OLA1: variants seen among roughly 807,000 people sequenced by gnomAD.
The protein encoded by OLA1 is Obg like ATPase 1.
A neutral mutation model predicts 48.4 loss-of-function variants in OLA1; 14 were observed. The observed-to-expected ratio is 0.29, with a 90% CI of 0.19 to 0.45. The LOEUF is 0.45. Among genes scored for constraint, OLA1 ranks in the 20% least tolerant of loss-of-function variants. OLA1 has a pLI of 1.00. For synonymous variants in OLA1, 127 were observed against 150.4 expected (o/e 0.84, Z 1.14); for missense variants, 325 against 467.1 (o/e 0.70, Z 2.80).
At chr2:174,092,861 A>C (rs1436091984) in intron 7 of OLA1, among the ~76,000 whole-genome samples, 1 of 152,212 alleles carries the variant, frequency 6.6e-6, no homozygotes, top group East Asian at 1.9e-4. Context: ...ATATAAAAAA[A>C]TCATAGTACA....
chr2:174,180,921 T>C (rs1687518356), intron 4 of OLA1, among the ~76,000 whole-genome samples: 1 of 152,216 alleles, frequency 6.6e-6, no homozygotes, highest in Non-Finnish European at 1.5e-5. Flanking sequence ...ACACACCCTT[T>C]GACTCAGTAC....
chr2:174,173,420 T>C (rs10497414), intron 4 of OLA1, among the ~76,000 whole-genome samples: 16,842 of 152,244 alleles, frequency 0.11, 2,180 homozygotes, highest in East Asian at 0.7. Context: ...TGTTTCTTTC[T>C]GTTAATAACA....
intron 7 of OLA1, among the ~76,000 whole-genome samples, chr2:174,112,419 G>C (rs1685674988): frequency 6.6e-6 from 1 of 152,204 alleles, no homozygotes; most frequent in Non-Finnish European, 1.5e-5. Flanking sequence ...AGTGTGAAGT[G>C]TTGACTGAAT....
chr2:174,221,991 ACT>A (rs1453283352), intron 4 of OLA1, among the ~76,000 whole-genome samples: 2 of 152,134 alleles, frequency 1.3e-5, no homozygotes, highest in African/African-American at 4.8e-5. Context: ...TCAAATTTAA[ACT>A]ACCTAGATCA....
At chr2:174,103,119 C>G (rs1685434103) in intron 7 of OLA1, among the ~76,000 whole-genome samples, 1 of 151,970 alleles carries the variant, frequency 6.6e-6, no homozygotes, top group Non-Finnish European at 1.5e-5. Context: ...GGAGGAAGAA[C>G]TGATGATGCA....
chr2:174,198,211 T>C (rs1471115235), intron 4 of OLA1, among the ~76,000 whole-genome samples: 2 of 152,122 alleles, frequency 1.3e-5, no homozygotes, highest in African/African-American at 2.4e-5. Context: ...TCCGCCTGCC[T>C]TGGCCTCCCA....
At chr2:174,091,816 G>A (rs1685118014) in intron 7 of OLA1, among the ~76,000 whole-genome samples, 1 of 133,916 alleles carries the variant, frequency 7.5e-6, no homozygotes, top group African/African-American at 2.8e-5. Context: ...GAGTTGCAGT[G>A]AGCGGAGATC....
chr2:174,111,596 T>C (rs1342209742), intron 7 of OLA1, among the ~76,000 whole-genome samples: 2 of 152,202 alleles, frequency 1.3e-5, no homozygotes, highest in Non-Finnish European at 2.9e-5. Context: ...TACATATACA[T>C]ATACATATAC....
intron 7 of OLA1, among the ~76,000 whole-genome samples, chr2:174,109,974 A>G (rs977547818): frequency 6.6e-6 from 1 of 152,010 alleles, no homozygotes; most frequent in African/African-American, 2.4e-5. Context: ...TTCCTCAAGT[A>G]GACCCCAGTG....
At position 174,147,696 on chromosome 2, in the gene OLA1, G is replaced by A. The variant is rs558493510; in HGVS notation, c.374-5696C>T. ...TTAATGACACCGACCAAATGCTAAT[G>A]AGAATTTCTGGGAAGTGAGCTACTG... On this transcript the variant is annotated intron_variant, in intron 4 of 10. Transcript: ENST00000284719. Among the ~76,000 whole-genome samples, 3 of 152,324 alleles carry A rather than the reference G, an allele frequency of 2.0e-5. No homozygotes were observed. In the South Asian group the frequency reaches 6.2e-4, roughly 32 times the overall value.
At chr2:174,246,164 G>T (rs1418765687) in intron 2 of OLA1, among the ~76,000 whole-genome samples, 1 of 151,758 alleles carries the variant, frequency 6.6e-6, no homozygotes, top group African/African-American at 2.4e-5. Context: ...GCTGGGCGTG[G>T]TGGTGCGCGC....
intron 3 of OLA1, 33 bp from the exon 4 acceptor site, chr2:174,223,193 A>G: frequency 6.2e-7 from 1 of 1,602,406 alleles, no homozygotes; most frequent in Non-Finnish European, 8.5e-7. Context: ...ATTATAAAAC[A>G]GTACTAAAAA....
chr2:174,210,355 C>T (rs923522427), intron 4 of OLA1, among the ~76,000 whole-genome samples: 14 of 152,130 alleles, frequency 9.2e-5, no homozygotes, highest in African/African-American at 3.1e-4. Flanking sequence ...TATTTTGAAC[C>T]TTAATTATTT....
intron 4 of OLA1, among the ~76,000 whole-genome samples, chr2:174,207,877 G>T (rs1310115174): frequency 6.6e-6 from 1 of 152,136 alleles, no homozygotes; most frequent in African/African-American, 2.4e-5. Flanking sequence ...GGTTTGAACT[G>T]CACAGATTCA....
chr2:174,106,867 C>G lies in OLA1; in HGVS notation c.728+16313G>C, dbSNP rs115489763. Among the ~76,000 whole-genome samples, 1,161 of 152,244 alleles carry G rather than the reference C, an allele frequency of 7.6e-3. 18 individuals carry two copies. The highest frequency in any genetic ancestry group is 0.026 in the African/African-American group (1,097 of 41,556). The stretch of plus-strand genomic sequence containing the variant: ...AATGCATCTTATTGTGAATCTTCAG[C>G]AAATAAAACTTCATGTATCAGCTCA... On this transcript the variant is annotated intron_variant, in intron 7 of 10. Transcript: ENST00000284719.
chr2:174,090,914 C>A lies in OLA1; in HGVS notation c.729-8850G>T, dbSNP rs1353814956. 5.9e-5 allele frequency among the ~76,000 whole-genome samples: 9 copies of A among 152,292 alleles called. No individual in the cohort carries two copies. In the East Asian group the frequency reaches 1.7e-3, roughly 29 times the overall value. On this transcript the variant is annotated intron_variant, in intron 7 of 10. Transcript: ENST00000284719. ...TTTAAGATAAGAATCTCCTTGAGAG[C>A]CTTCCCTGAACTCCCATGTGGGCCA...
At chr2:174,138,274 G>C (rs1237760374) in intron 5 of OLA1, among the ~76,000 whole-genome samples, 1 of 152,146 alleles carries the variant, frequency 6.6e-6, no homozygotes, top group East Asian at 1.9e-4. Flanking sequence ...CCATCGTAGG[G>C]GTATTATTAA....
At chr2:174,238,857 A>G (rs1688927524) in intron 2 of OLA1, among the ~76,000 whole-genome samples, 1 of 152,214 alleles carries the variant, frequency 6.6e-6, no homozygotes, top group Non-Finnish European at 1.5e-5. Flanking sequence ...GGTGTCAGAA[A>G]GTAGAAAGCA....
chr2:174,111,724 A>G (rs1306822803), intron 7 of OLA1, among the ~76,000 whole-genome samples: 1 of 152,228 alleles, frequency 6.6e-6, no homozygotes, highest in Non-Finnish European at 1.5e-5. Flanking sequence ...ACACAGTCTC[A>G]CACACTTCCC....
Sources: gnomAD v4.1 joint callset for allele counts (sites outside exome capture counted in the v4.1 genomes callset) on GRCh38, gnomAD v4.1.1 for gene constraint, MANE v1.5 for transcripts, NCBI Gene and HGNC (gene_info 2026-07-23, HGNC 2026-07-21) for gene names.